Variants in B3GALT1 observed in about 807,000 individuals in gnomAD.
B3GALT1 encodes the protein UDP-Gal:betaGlcNAc beta 1,3-galactosyltransferase, polypeptide 1.
Under a neutral mutation model 23.2 loss-of-function variants are expected in B3GALT1, and 10 were observed. The observed-to-expected ratio is 0.43, with a 90% CI of 0.27 to 0.73. The LOEUF (loss-of-function observed/expected upper bound fraction) is 0.73, where lower values mean the gene tolerates loss of function less well. B3GALT1 is among the 30% of genes least tolerant of loss of function. B3GALT1 has a pLI of 0.21. For synonymous variants in B3GALT1, 156 were observed against 141.5 expected, an observed-to-expected ratio of 1.10 and a Z score of -0.73; for missense variants, 299 against 405.4, an observed-to-expected ratio of 0.74 and a Z score of 2.25.
intron 3 of B3GALT1, among the ~76,000 whole-genome samples, chr2:167,674,596 A>C (rs917254440): frequency 6.6e-6 from 1 of 152,212 alleles, no homozygotes; most frequent in African/African-American, 2.4e-5. Context: ...TCAGAGTTGT[A>C]TAGACCCAGG....
intron 2 of B3GALT1, among the ~76,000 whole-genome samples, chr2:167,582,516 A>G (rs1454900732): frequency 6.6e-6 from 1 of 152,234 alleles, no homozygotes; most frequent in Non-Finnish European, 1.5e-5. Flanking sequence ...CGTACTAAAG[A>G]TAGTCCAAAC....
At chr2:167,540,681 G>C (rs1683520412) in intron 2 of B3GALT1, among the ~76,000 whole-genome samples, 1 of 152,096 alleles carries the variant, frequency 6.6e-6, no homozygotes, top group African/African-American at 2.4e-5. Flanking sequence ...GCTCCATCTG[G>C]TAGACAAGCA....
At chr2:167,630,934 T>G (rs1171478256) in intron 2 of B3GALT1, among the ~76,000 whole-genome samples, 1 of 147,958 alleles carries the variant, frequency 6.8e-6, no homozygotes, top group Non-Finnish European at 1.5e-5. Context: ...TTCTTTCCTT[T>G]TCTTCCTATT....
At chr2:167,528,414 C>G (rs901900807) in intron 2 of B3GALT1, among the ~76,000 whole-genome samples, 8 of 152,254 alleles carry the variant, frequency 5.3e-5, no homozygotes, top group African/African-American at 1.4e-4. Flanking sequence ...AAGGGTGCCT[C>G]TCCTCCATTT....
At chr2:167,395,337 C>G (rs1239940370) in intron 1 of B3GALT1, among the ~76,000 whole-genome samples, 1 of 151,970 alleles carries the variant, frequency 6.6e-6, no homozygotes, top group Non-Finnish European at 1.5e-5. Context: ...GGGCCTGATG[C>G]AATCACAGTG....
chr2:167,865,323 C>T (rs910691402), intron 4 of B3GALT1, among the ~76,000 whole-genome samples: 3 of 151,902 alleles, frequency 2.0e-5, no homozygotes, highest in Admixed American at 6.6e-5. Flanking sequence ...GCAGGAGAAT[C>T]GCTTGAACCC....
chr2:167,443,718 G>C (rs1323126846), intron 1 of B3GALT1, among the ~76,000 whole-genome samples: 3 of 152,154 alleles, frequency 2.0e-5, no homozygotes, highest in Non-Finnish European at 4.4e-5. Flanking sequence ...CATTGATTTT[G>C]TATCCTGAGA....
intron 2 of B3GALT1, among the ~76,000 whole-genome samples, chr2:167,595,244 G>A (rs1684755870): frequency 2.6e-5 from 4 of 152,002 alleles, no homozygotes; most frequent in Admixed American, 2.6e-4. Context: ...CAACACTAGG[G>A]GGCTAACACT....
chr2:167,558,888 C>G (rs1019655743), intron 2 of B3GALT1, among the ~76,000 whole-genome samples: 1 of 152,162 alleles, frequency 6.6e-6, no homozygotes, highest in Non-Finnish European at 1.5e-5. Flanking sequence ...AGGGCACAGA[C>G]AAACAAAAAG....
rs1462785512 is a variant in B3GALT1, at chr2:167,593,169, TA to T, written c.-409-53739del. The stretch of plus-strand genomic sequence containing the variant: ...GATAGCTGTGCAAGAATATTATTTT[TA>T]GCATTCATCATAATAGAAAAAATAG... On this transcript the variant is annotated intron_variant, in intron 2 of 4. Transcript: ENST00000392690. Among the ~76,000 whole-genome samples the T allele has an allele frequency of 3.9e-5, 6 of 152,314 alleles. 1 individual carries two copies.
At chr2:167,509,583 C>T (rs1699973124) in intron 2 of B3GALT1, among the ~76,000 whole-genome samples, 1 of 152,136 alleles carries the variant, frequency 6.6e-6, no homozygotes, top group Admixed American at 6.5e-5. Flanking sequence ...AAGCCCTTTT[C>T]TTAAGTCCTG....
intron 1 of B3GALT1, among the ~76,000 whole-genome samples, chr2:167,447,541 C>T (rs1256543139): frequency 2.0e-5 from 3 of 152,188 alleles, no homozygotes; most frequent in Non-Finnish European, 4.4e-5. Context: ...CTTTGTTTAC[C>T]TACTCAAGCC....
intron 2 of B3GALT1, among the ~76,000 whole-genome samples, chr2:167,524,230 T>G (rs1288521853): frequency 6.6e-6 from 1 of 152,178 alleles, no homozygotes; most frequent in Non-Finnish European, 1.5e-5. Flanking sequence ...GTCATATATA[T>G]TGCTTTTCTT....
intron 1 of B3GALT1, among the ~76,000 whole-genome samples, chr2:167,389,208 C>T (rs1035839109): frequency 6.6e-6 from 1 of 152,152 alleles, no homozygotes; most frequent in African/African-American, 2.4e-5. Flanking sequence ...TATTTTTTCC[C>T]ATAGCCAGAA....
chr2:167,831,033 A>G (rs896564585), intron 4 of B3GALT1, among the ~76,000 whole-genome samples: 17 of 152,224 alleles, frequency 1.1e-4, no homozygotes, highest in African/African-American at 4.1e-4. Flanking sequence ...TATGCTACCA[A>G]GTTCTCTACA....
intron 2 of B3GALT1, among the ~76,000 whole-genome samples, chr2:167,637,123 G>A (rs965978338): frequency 2.0e-5 from 3 of 151,980 alleles, no homozygotes; most frequent in African/African-American, 7.2e-5. Flanking sequence ...GCAGGAATAT[G>A]TATGGGGAGC....
intron 3 of B3GALT1, among the ~76,000 whole-genome samples, chr2:167,716,583 T>G (rs569679502): frequency 7.5e-4 from 115 of 152,338 alleles, no homozygotes; most frequent in Non-Finnish European, 1.3e-3. Context: ...GAGTTTCTTG[T>G]ACACAGCACA....
Position 167,419,263 on chromosome 2 carries a change from A to G in B3GALT1, c.-510-70914A>G, listed in dbSNP as rs545379613. On this transcript the variant is annotated intron_variant, in intron 1 of 4. Transcript: ENST00000392690. ...TATTATTACACAAAAAGACAACTGC[A>G]AAGTTATTTAAAGCATAGATTAGCT... is the stretch of plus-strand genomic sequence containing the variant. Among the ~76,000 whole-genome samples the G allele has an allele frequency of 2.6e-5, 4 of 152,348 alleles. No homozygotes were observed. In the South Asian group the frequency reaches 6.2e-4, roughly 24 times the overall value.
Position 167,303,988 on chromosome 2 carries a change from T to G in B3GALT1, c.-511+10654T>G, listed in dbSNP as rs1208553926. ...CCTGACAAAGAAGACTCATCAGAAT[T>G]TATAAGCTTACTGTCCCCAGCTTCA... On this transcript the variant is annotated intron_variant, in intron 1 of 4. Coordinates refer to ENST00000392690, the MANE Select transcript of B3GALT1 (RefSeq NM_020981.4). 3.3e-5 allele frequency among the ~76,000 whole-genome samples: 5 copies of G among 152,094 alleles called. No homozygotes were observed. The South Asian group carries it at 1.0e-3, about 31-fold the overall frequency.
Sources: allele counts gnomAD v4.1 joint callset (sites outside exome capture counted in the v4.1 genomes callset), GRCh38; gene constraint gnomAD v4.1.1; transcripts MANE v1.5; gene names NCBI Gene and HGNC (gene_info 2026-07-23, HGNC 2026-07-21).